The following ZMYM2 variants were observed in gnomAD, a reference collection of about 807,000 sequenced individuals.
The protein encoded by ZMYM2 is zinc finger MYM-type protein 2.
A neutral mutation model predicts 162.8 loss-of-function variants in ZMYM2; 56 were observed. The observed-to-expected ratio is 0.34, with a 90% CI of 0.28 to 0.43. The LOEUF (loss-of-function observed/expected upper bound fraction) is 0.43, where lower values mean the gene tolerates loss of function less well. Among genes scored for constraint, ZMYM2 ranks in the 20% least tolerant of loss-of-function variants. ZMYM2 has a pLI of 1.00. For synonymous variants in ZMYM2, 510 were observed against 541.6 expected, an observed-to-expected ratio of 0.94 and a Z score of 0.81; for missense variants, 1,275 against 1,621.8, an observed-to-expected ratio of 0.79 and a Z score of 3.67.
At chr13:19,886,594 A>G in the ZMYM2 span, among the ~76,000 whole-genome samples, 1 of 151,864 alleles carries the variant, frequency 6.6e-6, no homozygotes, top group East Asian at 1.9e-4. Context: ...GATTTATTGA[A>G]GAAGCTGGAC....
At chr13:20,063,403 TAAAAAA>T (rs774452570) in intron 18 of ZMYM2, among the ~76,000 whole-genome samples, 36 of 121,200 alleles carry the variant, frequency 3.0e-4, no homozygotes, top group African/African-American at 1.0e-3. Flanking sequence ...ACCCTGTCTT[TAAAAAA>T]AAAAAAAAAA....
At chr13:20,040,166 C>T (rs1342734385) in intron 12 of ZMYM2, among the ~76,000 whole-genome samples, 2 of 152,168 alleles carry the variant, frequency 1.3e-5, no homozygotes, top group Non-Finnish European at 2.9e-5. Context: ...GGAATGATAC[C>T]AGCTCTTCTT....
At chr13:19,958,197 C>A (rs1056149015), upstream of ZMYM2, among the ~76,000 whole-genome samples, 1 of 151,938 alleles carries the variant, frequency 6.6e-6, no homozygotes, top group Admixed American at 6.5e-5. Flanking sequence ...CCCGCTCCAG[C>A]GCCTCCCCGG....
chr13:19,942,461 T>G, the ZMYM2 span, among the ~76,000 whole-genome samples: 1 of 151,730 alleles, frequency 6.6e-6, no homozygotes, highest in Non-Finnish European at 1.5e-5. Flanking sequence ...CAATAACATA[T>G]TTTTACTGAT....
At chr13:19,989,033 C>A (rs375166747) in intron 2 of ZMYM2, among the ~76,000 whole-genome samples, 2 of 152,260 alleles carry the variant, frequency 1.3e-5, no homozygotes, top group South Asian at 2.1e-4. Flanking sequence ...CACTCACCCT[C>A]CCCTGCGTAA....
Position 20,005,149 on chromosome 13 carries a change from A to G in ZMYM2, c.1209A>G (p.Thr403=), listed in dbSNP as rs771697926. The part of the protein sequence containing the change: ...SSESFQEFCS[T]SCLSLYEDKQ... ...AGTCCTTCCAGGAATTCTGTAGTAC[A>G]TCTTGTTTATCTCTCTATGAAGACA... is the stretch of plus-strand genomic sequence containing the variant. Residue 403 remains threonine (T), a synonymous_variant, in exon 5 of 25, where the codon ACA becomes ACG. Transcript: ENST00000610343. 1.2e-6 allele frequency: 2 copies of G among 1,602,036 alleles called. No individual in the cohort carries two copies. The highest frequency in any genetic ancestry group is 8.5e-7 in the Non-Finnish European group (1 of 1,176,174).
the ZMYM2 span, among the ~76,000 whole-genome samples, chr13:19,931,064 A>G: frequency 0.039 from 5,820 of 150,566 alleles, 163 homozygotes; most frequent in East Asian, 0.13. Flanking sequence ...GCGTGAACCC[A>G]GGAGGCGGAG....
intron 21 of ZMYM2, among the ~76,000 whole-genome samples, chr13:20,071,566 G>T (rs891417784): frequency 6.6e-6 from 1 of 152,216 alleles, no homozygotes; most frequent in African/African-American, 2.4e-5. Context: ...TTGGCCCCCT[G>T]TGCAGATGAA....
the ZMYM2 span, among the ~76,000 whole-genome samples, chr13:19,906,131 C>T: frequency 4.0e-5 from 6 of 150,956 alleles, no homozygotes; most frequent in South Asian, 2.1e-4. Flanking sequence ...AAAAATTAGC[C>T]GGGCGTGGTG....
At chr13:20,052,775 C>T (rs1955482343) in intron 14 of ZMYM2, among the ~76,000 whole-genome samples, 1 of 152,138 alleles carries the variant, frequency 6.6e-6, no homozygotes, top group Non-Finnish European at 1.5e-5. Context: ...AAGTACTAAG[C>T]ACGTGTATTT....
chr13:19,869,868 G>C, the ZMYM2 span, among the ~76,000 whole-genome samples: 1 of 152,134 alleles, frequency 6.6e-6, no homozygotes, highest in Non-Finnish European at 1.5e-5. Context: ...TCACACAGGA[G>C]GCAGGATAAT....
intron 2 of ZMYM2, among the ~76,000 whole-genome samples, chr13:19,987,620 CGTGTGTGT>C (rs756005409): frequency 2.4e-4 from 29 of 121,358 alleles, no homozygotes; most frequent in East Asian, 7.4e-4. Context: ...GGGGTTTTGT[CGTGTGTGT>C]GTGTGTGTGT....
intron 2 of ZMYM2, among the ~76,000 whole-genome samples, chr13:19,960,940 A>G (rs1361710696): frequency 6.6e-6 from 1 of 152,160 alleles, no homozygotes; most frequent in Non-Finnish European, 1.5e-5. Flanking sequence ...TAGTGAATTG[A>G]TAAGCATTTG....
At chr13:20,052,016 TATAA>T (rs1309384567) in intron 13 of ZMYM2, among the ~76,000 whole-genome samples, 1 of 152,112 alleles carries the variant, frequency 6.6e-6, no homozygotes, top group East Asian at 1.9e-4. Context: ...TCATTTAAGA[TATAA>T]ATCTAAGAAT....
chr13:20,075,854 G>A (rs1957459228), intron 21 of ZMYM2, among the ~76,000 whole-genome samples: 1 of 151,042 alleles, frequency 6.6e-6, no homozygotes, highest in Admixed American at 6.6e-5. Flanking sequence ...CTGGCTAGTT[G>A]GGTTTTTTTT....
chr13:20,086,123 T>A lies in ZMYM2; in HGVS notation c.*109T>A. On this transcript the variant is annotated 3_prime_UTR_variant, in exon 25 of 25. Transcript: ENST00000610343. ...TTTACTCCTTCTGTTTTGAGTTTTG[T>A]AGCAGTGTACCCACGCTGGGTATTA... 1 of 1,168,542 alleles carries A rather than the reference T, an allele frequency of 8.6e-7. No homozygotes were observed. The highest frequency in any genetic ancestry group is 1.2e-6 in the Non-Finnish European group (1 of 843,532). The allele number at this position is 1,168,542 out of a possible 1,614,324, so 72.4% of individuals were successfully genotyped here.
At chr13:19,955,036 T>G (rs933062722), upstream of ZMYM2, among the ~76,000 whole-genome samples, 3 of 152,036 alleles carry the variant, frequency 2.0e-5, no homozygotes, top group Non-Finnish European at 4.4e-5. Flanking sequence ...GGTCTCAAAC[T>G]CCCGATCTCA....
intron 3 of ZMYM2, among the ~76,000 whole-genome samples, chr13:20,001,169 A>T (rs2139876114): frequency 6.6e-6 from 1 of 152,286 alleles, no homozygotes; most frequent in Non-Finnish European, 1.5e-5. Flanking sequence ...AGGCAAATGG[A>T]TCGGTTGAGG....
intron 6 of ZMYM2, among the ~76,000 whole-genome samples, chr13:20,008,721 A>G (rs966239857): frequency 1.3e-5 from 2 of 152,170 alleles, no homozygotes; most frequent in African/African-American, 4.8e-5. Flanking sequence ...TATAAGTAAG[A>G]TTGGTCTGTA....
Sources: allele counts gnomAD v4.1 joint callset (sites outside exome capture counted in the v4.1 genomes callset), GRCh38; gene constraint gnomAD v4.1.1; transcripts MANE v1.5; gene names NCBI Gene and HGNC (gene_info 2026-07-23, HGNC 2026-07-21).